NRXN1: variants seen among roughly 807,000 people sequenced by gnomAD.
NRXN1 encodes neurexin 1, also known as neurexin-1.
In NRXN1, 39 loss-of-function variants were observed where a neutral mutation model predicts 150.9. The ratio of observed to expected loss-of-function variants is 0.26; its 90% CI spans 0.20 to 0.34. The LOEUF is 0.34. Among genes scored for constraint, NRXN1 ranks in the 10% least tolerant of loss-of-function variants. The pLI is 1.00. For synonymous variants in NRXN1, 924 were observed against 757.0 expected (o/e 1.22, Z -3.62); for missense variants, 1,815 against 1,949.9 (o/e 0.93, Z 1.30).
At chr2:50,827,906 G>T (rs1003448385) in intron 5 of NRXN1, among the ~76,000 whole-genome samples, 1 of 147,456 alleles carries the variant, frequency 6.8e-6, no homozygotes, top group South Asian at 2.2e-4. Flanking sequence ...ATGTTTCAGA[G>T]AGCACAGGTT....
chr2:50,035,056 G>GGTAC (rs1383481140), intron 21 of NRXN1, among the ~76,000 whole-genome samples: 1 of 151,940 alleles, frequency 6.6e-6, no homozygotes, highest in African/African-American at 2.4e-5. Context: ...AACAATGAAG[G>GGTAC]GTACATAATG....
intron 2 of NRXN1, among the ~76,000 whole-genome samples, chr2:50,963,571 C>T (rs1350130339): frequency 1.3e-5 from 2 of 151,640 alleles, no homozygotes; most frequent in Admixed American, 6.6e-5. Flanking sequence ...TGTGTTTACA[C>T]ACAAGTGACA....
At chr2:50,436,618 T>C (rs2085471412) in intron 17 of NRXN1, among the ~76,000 whole-genome samples, 1 of 152,228 alleles carries the variant, frequency 6.6e-6, no homozygotes, top group African/African-American at 2.4e-5. Context: ...TATTACTTTC[T>C]TTTGAAAGTG....
chr2:51,001,477 T>A (rs1477563447), intron 2 of NRXN1, among the ~76,000 whole-genome samples: 1 of 151,952 alleles, frequency 6.6e-6, no homozygotes, highest in East Asian at 1.9e-4. Context: ...ATCCACACAT[T>A]TATTAAAATT....
chr2:50,573,687 G>C (rs1670989984), intron 8 of NRXN1, among the ~76,000 whole-genome samples: 1 of 151,598 alleles, frequency 6.6e-6, no homozygotes, highest in South Asian at 2.1e-4. Context: ...ATGTGATGGA[G>C]AATTTGAAAA....
chr2:50,024,852 A>G (rs961953527), intron 21 of NRXN1, among the ~76,000 whole-genome samples: 1 of 152,046 alleles, frequency 6.6e-6, no homozygotes, highest in African/African-American at 2.4e-5. Context: ...TCCTGACCTC[A>G]TGATCTGCCC....
chr2:50,083,543 A>G (rs1698289638), intron 19 of NRXN1, among the ~76,000 whole-genome samples: 1 of 152,218 alleles, frequency 6.6e-6, no homozygotes, highest in African/African-American at 2.4e-5. Context: ...GAGCAGCAGC[A>G]AGATTTATTG....
intron 17 of NRXN1, among the ~76,000 whole-genome samples, chr2:50,410,179 C>G (rs1400080449): frequency 3.3e-5 from 5 of 152,038 alleles, no homozygotes; most frequent in Non-Finnish European, 2.9e-5. Context: ...TTAAGCCCTT[C>G]ACCAGGATAG....
At chr2:50,534,980 T>C (rs1479930786) in intron 10 of NRXN1, among the ~76,000 whole-genome samples, 2 of 152,090 alleles carry the variant, frequency 1.3e-5, no homozygotes, top group East Asian at 1.9e-4. Flanking sequence ...TGAAATAACA[T>C]AGTAAAGTAA....
chr2:50,559,885 ACTC>A (rs1668801935), intron 8 of NRXN1, among the ~76,000 whole-genome samples: 1 of 152,170 alleles, frequency 6.6e-6, no homozygotes, highest in Non-Finnish European at 1.5e-5. Context: ...AGATGGTCCT[ACTC>A]ATTTTGTATC....
chr2:50,425,718 C>T lies in NRXN1; in HGVS notation c.3364+39724G>A, dbSNP rs570472650. 4.7e-3 allele frequency among the ~76,000 whole-genome samples: 712 copies of T among 152,236 alleles called. 4 individuals are homozygous for T. Among genetic ancestry groups the T allele is most frequent in the Non-Finnish European group, 8.1e-3 (552 of 68,016 alleles). ...CATGTTATATATTTAACACCTCTTTCTTCTTGTGAGTTTGATCTAAGGGTT... is the reference window on the plus strand; with the variant it reads ...CATGTTATATATTTAACACCTCTTTTTTCTTGTGAGTTTGATCTAAGGGTT... On this transcript the variant is annotated intron_variant, in intron 17 of 22. Coordinates refer to ENST00000401669, the MANE Select transcript of NRXN1 (RefSeq NM_001330078.2).
chr2:50,035,640 G>T (rs747789206), intron 21 of NRXN1, among the ~76,000 whole-genome samples: 26 of 152,006 alleles, frequency 1.7e-4, no homozygotes, highest in Admixed American at 4.6e-4. Context: ...TATACTTGGA[G>T]AAAAATAGCC....
intron 17 of NRXN1, among the ~76,000 whole-genome samples, chr2:50,380,518 G>A (rs2080878155): frequency 6.6e-6 from 1 of 152,016 alleles, no homozygotes; most frequent in Non-Finnish European, 1.5e-5. Flanking sequence ...AAATTTAAGA[G>A]TCAGAGAGGT....
chr2:50,677,307 C>T (rs1469489892), intron 5 of NRXN1, among the ~76,000 whole-genome samples: 1 of 152,038 alleles, frequency 6.6e-6, no homozygotes, highest in East Asian at 1.9e-4. Flanking sequence ...TATTCTCTTC[C>T]AGAATTTAAC....
intron 18 of NRXN1, among the ~76,000 whole-genome samples, chr2:50,123,113 T>C (rs1704093010): frequency 6.6e-6 from 1 of 152,310 alleles, no homozygotes; most frequent in East Asian, 1.9e-4. Context: ...CTTTTCTAAA[T>C]GCCAGGGATA....
chr2:50,901,635 T>C (rs1233513276), intron 5 of NRXN1, among the ~76,000 whole-genome samples: 1 of 152,168 alleles, frequency 6.6e-6, no homozygotes, highest in African/African-American at 2.4e-5. Flanking sequence ...AAGCAAGAAC[T>C]TCATTAAAGG....
At chr2:50,043,726 T>A (rs1691372400) in intron 21 of NRXN1, among the ~76,000 whole-genome samples, 2 of 152,186 alleles carry the variant, frequency 1.3e-5, no homozygotes, top group African/African-American at 4.8e-5. Context: ...CTGCTGAATT[T>A]TAAATGCTGG....
intron 12 of NRXN1, among the ~76,000 whole-genome samples, chr2:50,508,869 G>C (rs1173691283): frequency 2.0e-5 from 3 of 152,078 alleles, no homozygotes; most frequent in African/African-American, 7.2e-5. Context: ...AGAAGATAAG[G>C]TTTTTAAAAA....
chr2:50,579,631 C>A (rs1332740759), intron 8 of NRXN1, among the ~76,000 whole-genome samples: 1 of 152,020 alleles, frequency 6.6e-6, no homozygotes, highest in Non-Finnish European at 1.5e-5. Context: ...CCTAGGAAGA[C>A]CCTGTCTTAA....
Sources: gnomAD v4.1 joint callset for allele counts (sites outside exome capture counted in the v4.1 genomes callset) on GRCh38, gnomAD v4.1.1 for gene constraint, MANE v1.5 for transcripts, NCBI Gene and HGNC (gene_info 2026-07-23, HGNC 2026-07-21) for gene names.